The following DNAH9 variants were observed in gnomAD, a reference collection of about 807,000 sequenced individuals.
The protein encoded by DNAH9 is dynein axonemal heavy chain 9.
Under a neutral mutation model 471.6 loss-of-function variants are expected in DNAH9, and 345 were observed. That is an observed-to-expected ratio of 0.73 (90% CI 0.67 to 0.80). The LOEUF (loss-of-function observed/expected upper bound fraction) is 0.80, where lower values mean the gene tolerates loss of function less well. Ranked by LOEUF, DNAH9 falls within the 30% of genes least tolerant of loss-of-function variation. DNAH9 has a pLI of 0.00. For missense variants in DNAH9, 5,407 were observed against 5,609.2 expected (o/e 0.96, Z 1.15); for synonymous variants, 2,093 against 2,123.6 (o/e 0.99, Z 0.40).
chr17:11,907,581 C>G (rs569692898), intron 61 of DNAH9, among the ~76,000 whole-genome samples: 6 of 152,228 alleles, frequency 3.9e-5, no homozygotes, highest in Admixed American at 2.0e-4. Context: ...TTGGAATGTC[C>G]TTTGCTGAGA....
rs918861342 is a variant in DNAH9 at position 11,945,430 on chromosome 17, C to T, written c.12843+2945C>T. On this transcript the variant is annotated intron_variant, in intron 67 of 68. Coordinates refer to ENST00000262442, the MANE Select transcript of DNAH9 (RefSeq NM_001372.4). Reference sequence around the variant, plus strand: ...CGGGCGCCTGTAATCCCAGCTACTACGGAGGCTGAAGCAGGAGAATCGCTT... The same window carrying T: ...CGGGCGCCTGTAATCCCAGCTACTATGGAGGCTGAAGCAGGAGAATCGCTT... Among the ~76,000 whole-genome samples, 6 of 150,926 alleles carry T rather than the reference C, an allele frequency of 4.0e-5. No homozygotes were observed. The East Asian group carries it at 6.0e-4, about 15-fold the overall frequency.
Position 11,874,931 on chromosome 17 carries a change from G to T in DNAH9, c.10243-18G>T, listed in dbSNP as rs1470100010. On this transcript the variant is annotated intron_variant, in intron 52 of 68. Transcript: ENST00000262442. Reference sequence around the variant, plus strand: ...CTGCTTCTGTTCTGAGCGTGGGGTGGTGTTTCTTCTTCACCAGACTCCCAT... The same window carrying T: ...CTGCTTCTGTTCTGAGCGTGGGGTGTTGTTTCTTCTTCACCAGACTCCCAT... The T allele has an allele frequency of 1.3e-6, 2 of 1,570,732 alleles. No homozygotes were observed. Among genetic ancestry groups the T allele is most frequent in the Admixed American group, 1.7e-5 (1 of 59,940 alleles).
chr17:11,858,582 G>T (rs1971707614), intron 50 of DNAH9, among the ~76,000 whole-genome samples: 1 of 152,066 alleles, frequency 6.6e-6, no homozygotes, highest in Non-Finnish European at 1.5e-5. Context: ...CATCTGACAA[G>T]TTTCCATTAT....
intron 39 of DNAH9, 104 bp downstream of exon 39, chr17:11,781,278 T>TGA: frequency 8.3e-7 from 1 of 1,198,328 alleles, no homozygotes; most frequent in Non-Finnish European, 1.1e-6. Context: ...AGCATAGCTC[T>TGA]GGTGCCAGAT....
In DNAH9 at chr17:11,781,022, G is replaced by A. The variant is rs1968646775; in HGVS notation, c.7566G>A (p.Lys2522=). 1 of 1,613,970 alleles carries A rather than the reference G, an allele frequency of 6.2e-7. No individual in the cohort carries two copies. The part of the protein sequence containing the change: ...TSAMLQAVLE[K]PLEKKAGRNY... Reference sequence around the variant, plus strand: ...CTCTCTCCCCAGCTGTCCTGGAGAAGCCTCTGGAAAAGAAGGCTGGCAGAA... The same window carrying A: ...CTCTCTCCCCAGCTGTCCTGGAGAAACCTCTGGAAAAGAAGGCTGGCAGAA... The change falls in exon 39 of 69, where the codon AAG becomes AAA. Residue 2522 remains lysine, a synonymous_variant. Coordinates refer to ENST00000262442, the MANE Select transcript of DNAH9 (RefSeq NM_001372.4).
chr17:11,741,839 C>T (rs2075437059), intron 29 of DNAH9, among the ~76,000 whole-genome samples: 1 of 152,154 alleles, frequency 6.6e-6, no homozygotes, highest in Admixed American at 6.5e-5. Flanking sequence ...CTAATTCATG[C>T]CTTGTGTAAG....
At chr17:11,788,106 A>C (rs1245706903) in intron 41 of DNAH9, among the ~76,000 whole-genome samples, 1 of 152,196 alleles carries the variant, frequency 6.6e-6, no homozygotes, top group Non-Finnish European at 1.5e-5. Context: ...ACTCAGCCTT[A>C]ATTGTCAACC....
chr17:11,860,706 C>T (rs1490128752), intron 50 of DNAH9, among the ~76,000 whole-genome samples: 1 of 152,114 alleles, frequency 6.6e-6, no homozygotes, highest in Non-Finnish European at 1.5e-5. Context: ...GGATTACAGG[C>T]ATGTGCCACC....
chr17:11,756,038 A>G (rs1967369917), intron 33 of DNAH9, among the ~76,000 whole-genome samples: 1 of 152,088 alleles, frequency 6.6e-6, no homozygotes, highest in Non-Finnish European at 1.5e-5. Flanking sequence ...GCACTTTGGG[A>G]AGCTGAGGTG....
intron 48 of DNAH9, among the ~76,000 whole-genome samples, chr17:11,828,342 A>G (rs1970573516): frequency 6.6e-6 from 1 of 152,020 alleles, no homozygotes; most frequent in Admixed American, 6.6e-5. Context: ...GCATGGTGGC[A>G]TGCGCCTGTA....
At chr17:11,817,618 A>G (rs965919920) in intron 45 of DNAH9, among the ~76,000 whole-genome samples, 7 of 152,222 alleles carry the variant, frequency 4.6e-5, no homozygotes, top group African/African-American at 1.7e-4. Flanking sequence ...TAAAATTTGA[A>G]CTTCACATAA....
At chr17:11,915,623 A>G (rs867615928) in intron 61 of DNAH9, among the ~76,000 whole-genome samples, 23 of 152,314 alleles carry the variant, frequency 1.5e-4, no homozygotes, top group African/African-American at 5.3e-4. Context: ...TGTGGCCTGC[A>G]TGGCATGGCT....
chr17:11,621,436 G>A (rs964168271), intron 6 of DNAH9, among the ~76,000 whole-genome samples: 2 of 148,916 alleles, frequency 1.3e-5, no homozygotes, highest in Non-Finnish European at 3.0e-5. Context: ...AAAGACAAGA[G>A]CCAGAGGGAC....
At chr17:11,868,108 C>T (rs548424762) in intron 50 of DNAH9, among the ~76,000 whole-genome samples, 197 of 152,314 alleles carry the variant, frequency 1.3e-3, no homozygotes, top group South Asian at 3.9e-3. Flanking sequence ...CTCCCTCACC[C>T]TCCAAATGGC....
intron 62 of DNAH9, among the ~76,000 whole-genome samples, chr17:11,926,070 G>T (rs964561466): frequency 1.5e-5 from 2 of 134,090 alleles, no homozygotes; most frequent in Non-Finnish European, 3.1e-5. Flanking sequence ...AAAGCTGGGG[G>T]GGGAGGAATA....
chr17:11,807,588 A>T, intron 43 of DNAH9, 144 bp from the exon 44 acceptor site: 1 of 879,630 alleles, frequency 1.1e-6, no homozygotes, highest in Non-Finnish European at 1.7e-6. Flanking sequence ...GGCCAGGTTT[A>T]GGGACAATCT....
intron 67 of DNAH9, among the ~76,000 whole-genome samples, chr17:11,958,654 G>C (rs1049214342): frequency 2.6e-5 from 4 of 151,796 alleles, no homozygotes; most frequent in African/African-American, 9.7e-5. Context: ...GGTGGAGGTT[G>C]TGCATGTGTC....
intron 45 of DNAH9, among the ~76,000 whole-genome samples, chr17:11,813,843 T>C (rs1358672709): frequency 6.6e-6 from 1 of 152,232 alleles, no homozygotes; most frequent in Non-Finnish European, 1.5e-5. Context: ...AGATGGATTA[T>C]AGATGGACAT....
chr17:11,613,133 C>A (rs1305961551), intron 4 of DNAH9, among the ~76,000 whole-genome samples: 1 of 152,214 alleles, frequency 6.6e-6, no homozygotes, highest in Admixed American at 6.5e-5. Context: ...AGAGGCAGCT[C>A]TCCCAGCACG....
Sources: allele counts gnomAD v4.1 joint callset (sites outside exome capture counted in the v4.1 genomes callset), GRCh38; gene constraint gnomAD v4.1.1; transcripts MANE v1.5; gene names NCBI Gene and HGNC (gene_info 2026-07-23, HGNC 2026-07-21).